SCP2: variants seen among roughly 807,000 people sequenced by gnomAD.
The protein encoded by SCP2 is SCP-2/3-oxoacyl-CoA thiolase.
In SCP2, 48 loss-of-function variants were observed where a neutral mutation model predicts 71.4. The ratio of observed to expected loss-of-function variants is 0.67; its 90% CI spans 0.53 to 0.86. SCP2 has a LOEUF of 0.86. Among genes scored for constraint, SCP2 ranks in the 40% least tolerant of loss-of-function variants. The pLI, the probability that SCP2 is intolerant of heterozygous loss-of-function variation, is 0.00. For synonymous variants in SCP2, 220 were observed against 218.1 expected, an observed-to-expected ratio of 1.01 and a Z score of -0.08; for missense variants, 560 against 655.6, an observed-to-expected ratio of 0.85 and a Z score of 1.59.
At chr1:52,959,141 G>T (rs1484531050) in intron 5 of SCP2, among the ~76,000 whole-genome samples, 1 of 151,618 alleles carries the variant, frequency 6.6e-6, no homozygotes, top group Non-Finnish European at 1.5e-5. Flanking sequence ...TAAATTTTTG[G>T]TAGAATTCAC....
At chr1:52,986,984 C>CTG (rs1369333120) in intron 10 of SCP2, among the ~76,000 whole-genome samples, 1,293 of 115,434 alleles carry the variant, frequency 0.011, 29 homozygotes, top group African/African-American at 0.042. Flanking sequence ...TTTTTTTCTT[C>CTG]TGTATATATA....
intron 10 of SCP2, among the ~76,000 whole-genome samples, chr1:52,984,768 C>T (rs1404155059): frequency 2.0e-5 from 3 of 151,206 alleles, no homozygotes; most frequent in African/African-American, 7.3e-5. Context: ...AACTCCTGAC[C>T]TCAGGTGATC....
intron 1 of SCP2, among the ~76,000 whole-genome samples, chr1:52,932,251 A>G (rs928752866): frequency 4.6e-5 from 7 of 152,214 alleles, no homozygotes; most frequent in Admixed American, 3.3e-4. Context: ...ATATCAAGGC[A>G]CATTATCCTG....
rs555545773 is a variant in SCP2 at position 52,930,833 on chromosome 1, T to C, written c.69+3368T>C. Among the ~76,000 whole-genome samples, 357 of 152,336 alleles carry C rather than the reference T, an allele frequency of 2.3e-3. 3 individuals carry two copies. Among genetic ancestry groups the C allele is most frequent in the African/African-American group, 8.1e-3 (336 of 41,576 alleles). ...AGTTTTGGAACTGCCTTTCTTAAAA[T>C]CTTGTGCTCTTTCCATGCCATCTCT... is the stretch of plus-strand genomic sequence containing the variant. On this transcript the variant is annotated intron_variant, in intron 1 of 15. Transcript: ENST00000371514.
intron 1 of SCP2, among the ~76,000 whole-genome samples, chr1:52,935,550 A>G (rs1255275415): frequency 6.7e-6 from 1 of 149,936 alleles, no homozygotes; most frequent in Non-Finnish European, 1.5e-5. Flanking sequence ...AGATTGTGCC[A>G]CTGCACTTCA....
intron 14 of SCP2, 50 bp from the exon 15 acceptor site, chr1:53,047,808 G>T (rs373431197): frequency 1.8e-4 from 231 of 1,311,336 alleles, no homozygotes; most frequent in Non-Finnish European, 2.4e-4. Flanking sequence ...ATGTATATGT[G>T]AAACTGAACA....
chr1:52,958,505 A>G (rs763775297), intron 5 of SCP2, among the ~76,000 whole-genome samples: 1 of 152,128 alleles, frequency 6.6e-6, no homozygotes, highest in Non-Finnish European at 1.5e-5. Context: ...TGCTGGGATT[A>G]CAAGTATGAG....
intron 3 of SCP2, among the ~76,000 whole-genome samples, chr1:52,949,313 C>T (rs1655087559): frequency 1.3e-5 from 2 of 152,176 alleles, no homozygotes; most frequent in South Asian, 4.2e-4. Context: ...GAGCCTGTAC[C>T]TTCAGATATT....
intron 11 of SCP2, among the ~76,000 whole-genome samples, chr1:52,989,570 C>G (rs1436324873): frequency 2.0e-5 from 3 of 152,180 alleles, no homozygotes; most frequent in Non-Finnish European, 2.9e-5. Context: ...TCTTTCAAAG[C>G]CCCTTCCTTA....
chr1:52,980,645 G>T (rs146422622), intron 10 of SCP2, 102 bp downstream of exon 10: 3 of 1,191,748 alleles, frequency 2.5e-6, no homozygotes, highest in Admixed American at 1.7e-5. Context: ...TTCCCTTAAC[G>T]TTGGCTCTGC....
chr1:53,041,404 G>GA (rs59762469), intron 14 of SCP2, among the ~76,000 whole-genome samples: 14,500 of 132,584 alleles, frequency 0.11, 1,344 homozygotes, highest in African/African-American at 0.22. Flanking sequence ...TCTGTCTTGA[G>GA]AAAAAAAAAA....
At chr1:52,956,540 A>G (rs1655807907) in intron 5 of SCP2, among the ~76,000 whole-genome samples, 2 of 152,158 alleles carry the variant, frequency 1.3e-5, no homozygotes, top group African/African-American at 4.8e-5. Flanking sequence ...AAAGTGGTAG[A>G]AGTTAGGTTG....
chr1:53,028,044 T>A lies in SCP2; in HGVS notation c.1311T>A (p.Phe437Leu). ...ASDGFKANLV[F>L]KEIEKKLEEE... Reference sequence around the variant, plus strand: ...ATGGATTTAAGGCAAATCTTGTTTTTAAGGAGATTGAGAAGAAACTTGAAG... The same window carrying A: ...ATGGATTTAAGGCAAATCTTGTTTTAAAGGAGATTGAGAAGAAACTTGAAG... The change falls in exon 13 of 16, where the codon TTT becomes TTA. Residue 437 changes from phenylalanine to leucine, a missense_variant. Phe to Leu is a conservative substitution (Grantham distance 22, BLOSUM62 0). Coordinates refer to ENST00000371514, the MANE Select transcript of SCP2 (RefSeq NM_002979.5). The A allele has an allele frequency of 1.2e-6, 2 of 1,606,670 alleles. No individual in the cohort carries two copies. The highest frequency in any genetic ancestry group is 1.7e-6 in the Non-Finnish European group (2 of 1,173,340).
chr1:52,938,365 TTC>T (rs2150106092), intron 1 of SCP2, among the ~76,000 whole-genome samples: 1 of 152,336 alleles, frequency 6.6e-6, no homozygotes, highest in South Asian at 2.1e-4. Flanking sequence ...TCAAAGCCAT[TTC>T]TCTTTAATGT....
chr1:53,006,833 G>A lies in SCP2; in HGVS notation c.1082-8057G>A, dbSNP rs577950378. Among the ~76,000 whole-genome samples, 14 of 152,142 alleles carry A rather than the reference G, an allele frequency of 9.2e-5. 1 individual carries two copies. The Middle Eastern group carries it at 0.01, about 111-fold the overall frequency. On this transcript the variant is annotated intron_variant, in intron 11 of 15. Transcript: ENST00000371514. ...ATGCTCCAATTAAAAGACACAGACT[G>A]GCAAATTGGATAAAGAGTCAAGACC...
intron 1 of SCP2, among the ~76,000 whole-genome samples, chr1:52,932,408 A>G (rs1653243691): frequency 6.6e-6 from 1 of 152,206 alleles, no homozygotes; most frequent in Non-Finnish European, 1.5e-5. Context: ...GGTAGAAAAA[A>G]ATTTTTTAAT....
intron 1 of SCP2, among the ~76,000 whole-genome samples, chr1:52,939,352 C>T (rs557191206): frequency 1.2e-4 from 19 of 152,092 alleles, no homozygotes; most frequent in African/African-American, 4.3e-4. Flanking sequence ...TCGAGATCAG[C>T]CTGGGCAACA....
At chr1:52,960,660 A>G (rs969199495) in intron 5 of SCP2, among the ~76,000 whole-genome samples, 8 of 139,574 alleles carry the variant, frequency 5.7e-5, no homozygotes, top group Admixed American at 4.3e-4. Context: ...ATATATGTGT[A>G]TATATATGTA....
At chr1:52,937,829 G>A (rs1385424515) in intron 1 of SCP2, among the ~76,000 whole-genome samples, 1 of 152,236 alleles carries the variant, frequency 6.6e-6, no homozygotes. Flanking sequence ...AATTAGAACA[G>A]CAAGGTACAG....
Sources: gnomAD v4.1 joint callset for allele counts (sites outside exome capture counted in the v4.1 genomes callset) on GRCh38, gnomAD v4.1.1 for gene constraint, MANE v1.5 for transcripts, NCBI Gene and HGNC (gene_info 2026-07-23, HGNC 2026-07-21) for gene names.